The following OSBP variants were observed in gnomAD, a reference collection of about 807,000 sequenced individuals.
The protein encoded by OSBP is oxysterol-binding protein 1.
In OSBP, 32 loss-of-function variants were observed where a neutral mutation model predicts 96.6. The observed-to-expected ratio is 0.33, with a 90% CI of 0.25 to 0.45. The LOEUF is 0.45. OSBP is among the 20% of genes least tolerant of loss of function. OSBP has a pLI of 1.00. For missense variants in OSBP, 653 were observed against 1,029.7 expected (o/e 0.63, Z 5.01); for synonymous variants, 369 against 389.6 (o/e 0.95, Z 0.62).
At chr11:59,607,345 T>A (rs891249050) in intron 3 of OSBP, among the ~76,000 whole-genome samples, 1 of 152,214 alleles carries the variant, frequency 6.6e-6, no homozygotes, top group Admixed American at 6.5e-5. Context: ...TGGTCAGTCC[T>A]AGGAGATAAT....
intron 3 of OSBP, among the ~76,000 whole-genome samples, chr11:59,603,050 T>C (rs1157493786): frequency 6.6e-6 from 1 of 152,216 alleles, no homozygotes; most frequent in African/African-American, 2.4e-5. Context: ...AATGCTACTT[T>C]GTGACATCTC....
chr11:59,599,662 GAC>G (rs973262070), intron 7 of OSBP, among the ~76,000 whole-genome samples: 1 of 152,090 alleles, frequency 6.6e-6, no homozygotes, highest in African/African-American at 2.4e-5. Context: ...TGCTGAAAAA[GAC>G]ACACTATAGC....
chr11:59,586,182 A>AC (rs1430370882), intron 9 of OSBP, among the ~76,000 whole-genome samples: 1 of 150,190 alleles, frequency 6.7e-6, no homozygotes, highest in Non-Finnish European at 1.5e-5. Flanking sequence ...AATAAAGAAA[A>AC]AAAAAAAAAG....
chr11:59,601,326 C>G lies in OSBP; in HGVS notation c.1081G>C (p.Asp361His). 1 of 1,613,632 alleles carries G rather than the reference C, an allele frequency of 6.2e-7. No homozygotes were observed. Among genetic ancestry groups the G allele is most frequent in the South Asian group, 1.1e-5 (1 of 91,070 alleles). ...GGCATGGTGATGATCTCAGGTGCAT[C>G]AAAAAATTCATTCTCATCATCTTCA... ...SDEDDENEFF[D>H]APEIITMPEN... Residue 361 changes from aspartate (D) to histidine (H), a missense_variant, in exon 5 of 14, where the codon GAT (aspartate) becomes CAT (histidine). This residue lies in a region of OSBP where 308 missense variants were observed against 573.1 expected (regional missense o/e 0.54). Transcript: ENST00000263847.
Position 59,589,090 on chromosome 11 carries a change from AG to A in OSBP, c.1678+4513del, listed in dbSNP as rs201469128. 6.5e-3 allele frequency among the ~76,000 whole-genome samples: 989 copies of A among 152,214 alleles called. 7 individuals carry two copies. Among genetic ancestry groups the A allele is most frequent in the African/African-American group, 0.022 (926 of 41,578 alleles). ...AAAAGAAAAATAAGTCATAGAGGCCAGAAGGCAGTGGGATAATATATGCAAA... is the reference window on the plus strand; with the variant it reads ...AAAAGAAAAATAAGTCATAGAGGCCAAAGGCAGTGGGATAATATATGCAAA... On this transcript the variant is annotated intron_variant, in intron 9 of 13. Coordinates refer to ENST00000263847, the MANE Select transcript of OSBP (RefSeq NM_002556.3).
At chr11:59,613,346 A>G (rs1043165612) in intron 1 of OSBP, among the ~76,000 whole-genome samples, 2 of 152,238 alleles carry the variant, frequency 1.3e-5, no homozygotes, top group African/African-American at 4.8e-5. Context: ...GGAGAAGTTA[A>G]AAGTGGTAAC....
intron 7 of OSBP, among the ~76,000 whole-genome samples, chr11:59,596,646 G>A (rs1860661668): frequency 6.6e-6 from 1 of 152,126 alleles, no homozygotes; most frequent in African/African-American, 2.4e-5. Context: ...CATTGGTAGG[G>A]TGGAGAGATG....
At chr11:59,590,430 A>AG (rs1194450349) in intron 9 of OSBP, among the ~76,000 whole-genome samples, 1 of 152,172 alleles carries the variant, frequency 6.6e-6, no homozygotes, top group Non-Finnish European at 1.5e-5. Context: ...ATCACATACT[A>AG]GCTGGTTAAG....
At position 59,593,635 on chromosome 11, in the gene OSBP, A is replaced by G. The variant is rs1860612406; in HGVS notation, c.1647T>C (p.Phe549=). ...GCATAATGGAGAGGTATTTGCCTCG[A>G]AACTTGCTGGTGATTTTGATTTCCT... ...LRQEIKITSK[F]RGKYLSIMPL... Residue 549 remains phenylalanine (F), a synonymous_variant, in exon 9 of 14, where the codon TTT becomes TTC. Coordinates refer to ENST00000263847, the MANE Select transcript of OSBP (RefSeq NM_002556.3). 1 of 1,614,008 alleles carries G rather than the reference A, an allele frequency of 6.2e-7. No individual in the cohort carries two copies. Among genetic ancestry groups the G allele is most frequent in the African/African-American group, 1.3e-5 (1 of 74,910 alleles).
chr11:59,579,980 G>A (rs893931456), intron 11 of OSBP, among the ~76,000 whole-genome samples, 194 bp downstream of exon 11: 4 of 152,058 alleles, frequency 2.6e-5, no homozygotes, highest in African/African-American at 9.7e-5. Context: ...CCAAAGTGCT[G>A]GGATTACAGC....
chr11:59,587,880 T>G (rs569140098), intron 9 of OSBP, among the ~76,000 whole-genome samples: 11 of 152,282 alleles, frequency 7.2e-5, no homozygotes, highest in African/African-American at 2.6e-4. Context: ...TTTTAAACAT[T>G]TTTTTTTCTT....
chr11:59,600,942 T>C, intron 5 of OSBP, 69 bp from the exon 6 acceptor site: 4 of 1,355,238 alleles, frequency 3.0e-6, no homozygotes, highest in South Asian at 2.3e-5. Context: ...TGGACATTTC[T>C]TTACAAAGCA....
rs1299730675 is a variant in OSBP, at chr11:59,600,373, T to C, written c.1311+123A>G. ...AAATTTATGGAACAGTTTATGATTATAAAGGTAAAAAAGACCATGCCACAA... is the reference window on the plus strand; with the variant it reads ...AAATTTATGGAACAGTTTATGATTACAAAGGTAAAAAAGACCATGCCACAA... On this transcript the variant is annotated intron_variant, in intron 7 of 13. Transcript: ENST00000263847. The C allele has an allele frequency of 4.9e-6, 5 of 1,014,890 alleles. No homozygotes were observed. In the African/African-American group the frequency reaches 6.5e-5, roughly 13 times the overall value. 62.9% of individuals were successfully genotyped at this position (1,014,890 alleles called of 1,614,324 possible).
At chr11:59,602,275 C>A (rs1364810837) in intron 3 of OSBP, among the ~76,000 whole-genome samples, 1 of 151,806 alleles carries the variant, frequency 6.6e-6, no homozygotes, top group East Asian at 1.9e-4. Flanking sequence ...ACACTGAGAA[C>A]AGAGAATCCA....
chr11:59,581,575 C>A, intron 9 of OSBP, 21 bp from the exon 10 acceptor site: 1 of 1,375,690 alleles, frequency 7.3e-7, no homozygotes, highest in Non-Finnish European at 1.0e-6. Context: ...AAAGAGGTAT[C>A]CAAATTAAGC....
At chr11:59,598,448 T>C (rs1860683506) in intron 7 of OSBP, among the ~76,000 whole-genome samples, 4 of 152,170 alleles carry the variant, frequency 2.6e-5, no homozygotes, top group African/African-American at 9.7e-5. Context: ...CTACAACTGG[T>C]AGAACCCTTA....
At chr11:59,591,694 T>G (rs1448651626) in intron 9 of OSBP, among the ~76,000 whole-genome samples, 1 of 151,542 alleles carries the variant, frequency 6.6e-6, no homozygotes, top group Non-Finnish European at 1.5e-5. Context: ...GATCTCAGCT[T>G]ACTGCAACCT....
intron 7 of OSBP, among the ~76,000 whole-genome samples, chr11:59,596,586 C>CA (rs113563479): frequency 4.1e-4 from 58 of 141,932 alleles, no homozygotes; most frequent in South Asian, 6.9e-4. Flanking sequence ...ATTAGGCACC[C>CA]AAAAAAAAAA....
chr11:59,610,666 ACT>A (rs1275827659), intron 1 of OSBP, 77 bp from the exon 2 acceptor site: 19 of 1,160,356 alleles, frequency 1.6e-5, no homozygotes, highest in Non-Finnish European at 2.3e-5. Flanking sequence ...TCTTTTCATA[ACT>A]CTGAGCTCCC....
Sources: allele counts gnomAD v4.1 joint callset (sites outside exome capture counted in the v4.1 genomes callset), GRCh38; gene constraint gnomAD v4.1.1; regional missense constraint gnomAD v4.1.1; transcripts MANE v1.5; gene names NCBI Gene and HGNC (gene_info 2026-07-23, HGNC 2026-07-21).